Variants in SPIDR observed in about 807,000 individuals in gnomAD.
SPIDR encodes scaffold protein involved in DNA repair.
A neutral mutation model predicts 104.6 loss-of-function variants in SPIDR; 93 were observed. The observed-to-expected ratio is 0.89, with a 90% CI of 0.75 to 1.06. The LOEUF is 1.06. Among genes scored for constraint, SPIDR ranks in the 50% least tolerant of loss-of-function variants. The pLI is 0.00. For synonymous variants in SPIDR, 431 were observed against 416.9 expected (o/e 1.03, Z -0.41); for missense variants, 1,154 against 1,111.2 (o/e 1.04, Z -0.55).
chr8:47,598,921 T>C, intron 9 of SPIDR, 25 bp from the exon 10 acceptor site: 1 of 1,612,276 alleles, frequency 6.2e-7, no homozygotes, highest in South Asian at 1.1e-5. Flanking sequence ...GTCTTGAAAC[T>C]GTTCCCTTTA....
chr8:47,392,999 T>G (rs1277511037), intron 5 of SPIDR, among the ~76,000 whole-genome samples: 1 of 152,174 alleles, frequency 6.6e-6, no homozygotes, highest in African/African-American at 2.4e-5. Flanking sequence ...AATTTGGACC[T>G]TCTCTTCTTC....
At chr8:47,674,260 G>A (rs947916221) in intron 11 of SPIDR, among the ~76,000 whole-genome samples, 3 of 152,148 alleles carry the variant, frequency 2.0e-5, no homozygotes, top group Admixed American at 2.0e-4. Flanking sequence ...AAGCATCTTT[G>A]GGTGGTAGGT....
In SPIDR at chr8:47,367,705, C is replaced by G. The variant is rs115450953; in HGVS notation, c.526-28671C>G. 2.3e-3 allele frequency among the ~76,000 whole-genome samples: 343 copies of G among 152,326 alleles called. 1 individual carries two copies. The highest frequency in any genetic ancestry group is 8.1e-3 in the African/African-American group (335 of 41,570). ...CATGGCCAGCCCACTCCACTCCTTT[C>G]ATAGCACTTAGTGGAGTGTGTCCAT... On this transcript the variant is annotated intron_variant, in intron 5 of 19. Coordinates refer to ENST00000297423, the MANE Select transcript of SPIDR (RefSeq NM_001080394.4).
intron 11 of SPIDR, among the ~76,000 whole-genome samples, chr8:47,692,224 GTTT>G (rs2154479789): frequency 6.6e-6 from 1 of 152,248 alleles, no homozygotes; most frequent in East Asian, 1.9e-4. Context: ...CGAATCATTG[GTTT>G]TTATTTTACT....
chr8:47,357,856 T>G, intron 5 of SPIDR: 1 of 984,990 alleles, frequency 1.0e-6, no homozygotes, highest in South Asian at 4.7e-5. Context: ...GTCTAGTGTT[T>G]AAGGCCACAT....
chr8:47,490,455 A>G (rs2078493001), intron 8 of SPIDR, among the ~76,000 whole-genome samples: 1 of 152,236 alleles, frequency 6.6e-6, no homozygotes, highest in South Asian at 2.1e-4. Flanking sequence ...TCAAGGATCT[A>G]GAACTAGAAA....
At chr8:47,284,912 G>T (rs372810785) in intron 3 of SPIDR, among the ~76,000 whole-genome samples, 13 of 152,216 alleles carry the variant, frequency 8.5e-5, no homozygotes, top group Non-Finnish European at 1.5e-4. Context: ...CAGGTAGGCC[G>T]CTGGTTCTCC....
intron 5 of SPIDR, among the ~76,000 whole-genome samples, chr8:47,374,783 TTG>T (rs2058453333): frequency 6.6e-6 from 1 of 152,184 alleles, no homozygotes; most frequent in African/African-American, 2.4e-5. Flanking sequence ...AGGTGGGGCA[TTG>T]TGTCTCATGC....
Position 47,700,502 on chromosome 8 carries a change from A to C in SPIDR, c.1773+12A>C, listed in dbSNP as rs759911968. The C allele has an allele frequency of 6.2e-7, 1 of 1,614,176 alleles. No individual in the cohort carries two copies. The highest frequency in any genetic ancestry group is 1.1e-5 in the South Asian group (1 of 91,086). The stretch of plus-strand genomic sequence containing the variant: ...AGCCCTGTGAAGAGGTAAGCCCGGC[A>C]CTGGAAAAACTTCCCCAGTCACAGA... On this transcript the variant is annotated intron_variant, in intron 12 of 19. Coordinates refer to ENST00000297423, the MANE Select transcript of SPIDR (RefSeq NM_001080394.4).
chr8:47,317,699 G>A (rs952373760), intron 5 of SPIDR, among the ~76,000 whole-genome samples: 3 of 152,066 alleles, frequency 2.0e-5, no homozygotes, highest in Non-Finnish European at 2.9e-5. Flanking sequence ...GCACCCCCTA[G>A]TAGGGGCAGA....
rs184691335 is a variant in SPIDR at position 47,570,000 on chromosome 8, C to T, written c.1098-25811C>T. On this transcript the variant is annotated intron_variant, in intron 8 of 19. Coordinates refer to ENST00000297423, the MANE Select transcript of SPIDR (RefSeq NM_001080394.4). ...GATTAATAGGGTTAAGAAGGCAATA[C>T]TCACCAAATTGATCTGTAGATTCAA... 2.8e-3 allele frequency among the ~76,000 whole-genome samples: 425 copies of T among 152,248 alleles called. 3 individuals are homozygous for T. Among genetic ancestry groups the T allele is most frequent in the African/African-American group, 9.5e-3 (396 of 41,556 alleles).
intron 7 of SPIDR, among the ~76,000 whole-genome samples, chr8:47,413,184 A>G (rs533838556): frequency 1.1e-4 from 17 of 152,382 alleles, no homozygotes; most frequent in African/African-American, 3.6e-4. Flanking sequence ...CTGGCGGCCT[A>G]AAAGGCCAGA....
At chr8:47,592,067 G>C (rs10958058) in intron 8 of SPIDR, 588,788 of 1,064,152 alleles carry the variant, frequency 0.55, 173,086 homozygotes, top group East Asian at 0.66. Context: ...CTAAGACTGT[G>C]TCCATTAAAT....
intron 3 of SPIDR, among the ~76,000 whole-genome samples, chr8:47,290,233 G>GA (rs1396751920): frequency 2.0e-5 from 3 of 152,146 alleles, no homozygotes; most frequent in African/African-American, 7.2e-5. Flanking sequence ...AGTAGAGACA[G>GA]GGTTTCACCA....
chr8:47,558,268 T>G (rs988820235), intron 8 of SPIDR, among the ~76,000 whole-genome samples: 2 of 152,146 alleles, frequency 1.3e-5, no homozygotes, highest in African/African-American at 4.8e-5. Flanking sequence ...TGTGCTCATT[T>G]AACAAACCTG....
intron 8 of SPIDR, among the ~76,000 whole-genome samples, chr8:47,506,093 T>G (rs1359212469): frequency 6.6e-6 from 1 of 152,202 alleles, no homozygotes; most frequent in African/African-American, 2.4e-5. Context: ...CTTTGTTTCT[T>G]GTAATGCTAC....
At chr8:47,459,873 A>G (rs191806854) in intron 8 of SPIDR, among the ~76,000 whole-genome samples, 20 of 152,262 alleles carry the variant, frequency 1.3e-4, no homozygotes, top group African/African-American at 4.3e-4. Context: ...TTTAATTTCC[A>G]TCTTGATTTC....
In SPIDR at chr8:47,312,054, A is replaced by C. The variant is rs587684687; in HGVS notation, c.525+18024A>C. Among the ~76,000 whole-genome samples, 595 of 152,208 alleles carry C rather than the reference A, an allele frequency of 3.9e-3. 3 individuals carry two copies. The highest frequency in any genetic ancestry group is 0.022 in the South Asian group (108 of 4,820). On this transcript the variant is annotated intron_variant, in intron 5 of 19. Coordinates refer to ENST00000297423, the MANE Select transcript of SPIDR (RefSeq NM_001080394.4). Reference sequence around the variant, plus strand: ...TCCCTACAAAGGACATGAACTCTTCATTTTTTATGGCTGCATAGTATTCCA... The same window carrying C: ...TCCCTACAAAGGACATGAACTCTTCCTTTTTTATGGCTGCATAGTATTCCA...
chr8:47,324,947 G>A (rs1215734641), intron 5 of SPIDR, among the ~76,000 whole-genome samples: 2 of 152,106 alleles, frequency 1.3e-5, no homozygotes, highest in African/African-American at 4.8e-5. Flanking sequence ...AGGTGGCTGT[G>A]TCTTGACATG....
Sources: allele counts gnomAD v4.1 joint callset (sites outside exome capture counted in the v4.1 genomes callset), GRCh38; gene constraint gnomAD v4.1.1; transcripts MANE v1.5; gene names NCBI Gene and HGNC (gene_info 2026-07-23, HGNC 2026-07-21).